The following KLHL1 variants were observed in gnomAD, a reference collection of about 807,000 sequenced individuals.
KLHL1 encodes the protein kelch-like protein 1.
A neutral mutation model predicts 77.7 loss-of-function variants in KLHL1; 47 were observed. The ratio of observed to expected loss-of-function variants is 0.60; its 90% CI spans 0.48 to 0.77. The LOEUF (loss-of-function observed/expected upper bound fraction) is 0.77. Ranked by LOEUF, KLHL1 falls within the 30% of genes least tolerant of loss-of-function variation. The probability of loss-of-function intolerance (pLI) is 0.00; values close to 1 mark genes in which losing one functional copy is unlikely to be tolerated. For synonymous variants in KLHL1, 360 were observed against 325.2 expected, an observed-to-expected ratio of 1.11 and a Z score of -1.15; for missense variants, 925 against 910.8, an observed-to-expected ratio of 1.02 and a Z score of -0.20.
At chr13:70,053,827 T>C (rs1368992414) in intron 1 of KLHL1, among the ~76,000 whole-genome samples, 1 of 152,126 alleles carries the variant, frequency 6.6e-6, no homozygotes, top group Non-Finnish European at 1.5e-5. Context: ...AAAGTCATAC[T>C]ATATTACAAT....
intron 1 of KLHL1, among the ~76,000 whole-genome samples, chr13:70,080,811 T>G (rs1887375248): frequency 6.6e-6 from 1 of 152,070 alleles, no homozygotes; most frequent in Non-Finnish European, 1.5e-5. Context: ...TTGGTCAGGC[T>G]GTTCATTTGA....
chr13:69,829,764 C>T lies in KLHL1; in HGVS notation c.1414+9212G>A, dbSNP rs924497982. Reference sequence around the variant, plus strand: ...AACATCAGATGTCTCAACAGAAACCCTACAAGCTAGAAACTATTGGGGTCT... The same window carrying T: ...AACATCAGATGTCTCAACAGAAACCTTACAAGCTAGAAACTATTGGGGTCT... On this transcript the variant is annotated intron_variant, in intron 6 of 10. Coordinates refer to ENST00000377844, the MANE Select transcript of KLHL1 (RefSeq NM_020866.3). Among the ~76,000 whole-genome samples, 12 of 150,140 alleles carry T rather than the reference C, an allele frequency of 8.0e-5. 1 individual carries two copies. The highest frequency in any genetic ancestry group is 1.3e-4 in the Non-Finnish European group (9 of 67,784).
At chr13:69,755,556 A>G (rs1042735552) in intron 7 of KLHL1, among the ~76,000 whole-genome samples, 2 of 152,166 alleles carry the variant, frequency 1.3e-5, no homozygotes, top group Admixed American at 6.6e-5. Flanking sequence ...TATTTGTTAT[A>G]TATTTCAAAT....
At chr13:70,012,427 T>A (rs1885557666) in intron 1 of KLHL1, among the ~76,000 whole-genome samples, 1 of 152,134 alleles carries the variant, frequency 6.6e-6, no homozygotes, top group African/African-American at 2.4e-5. Context: ...CAAATTTAAC[T>A]TATTTGTTCC....
chr13:69,915,403 G>C (rs545354987), intron 4 of KLHL1, among the ~76,000 whole-genome samples: 3 of 152,000 alleles, frequency 2.0e-5, no homozygotes, highest in Admixed American at 6.6e-5. Flanking sequence ...AGATATAGAC[G>C]AATGGAACAG....
At chr13:70,057,170 T>C (rs1267358535) in intron 1 of KLHL1, among the ~76,000 whole-genome samples, 1 of 152,034 alleles carries the variant, frequency 6.6e-6, no homozygotes, top group Admixed American at 6.6e-5. Context: ...TGCCAATAAC[T>C]TTGAAAACAT....
In KLHL1 at chr13:69,882,472, T is replaced by G. The variant is rs768125765; in HGVS notation, c.1038A>C (p.Arg346Ser). Residue 346 changes from arginine to serine, a missense_variant, in exon 5 of 11, where the codon AGA becomes AGC. By Grantham distance (110) the Arg-to-Ser change is moderately radical. Transcript: ENST00000377844. ...YTMENIMEVI[R>S]NQEFLLLPAE... ...CTGGAAGGAGTAAAAACTCTTGATT[T>G]CTGATAACTTCCATTATGTTTTCCT... 1 of 1,613,140 alleles carries G rather than the reference T, an allele frequency of 6.2e-7. No homozygotes were observed. Among genetic ancestry groups the G allele is most frequent in the East Asian group, 2.2e-5 (1 of 44,860 alleles).
At chr13:69,704,282 C>A (rs1875530824) in intron 10 of KLHL1, among the ~76,000 whole-genome samples, 1 of 151,574 alleles carries the variant, frequency 6.6e-6, no homozygotes, top group Non-Finnish European at 1.5e-5. Flanking sequence ...AATCCTTGAC[C>A]CTTCTTTTTA....
At chr13:70,054,437 CA>C (rs1221789022) in intron 1 of KLHL1, among the ~76,000 whole-genome samples, 2 of 151,920 alleles carry the variant, frequency 1.3e-5, no homozygotes, top group Non-Finnish European at 1.5e-5. Context: ...ATTTTTATTG[CA>C]TTATAGTAGC....
At chr13:69,955,637 T>C (rs912662384) in intron 3 of KLHL1, among the ~76,000 whole-genome samples, 1 of 151,112 alleles carries the variant, frequency 6.6e-6, no homozygotes, top group African/African-American at 2.4e-5. Context: ...GTAGAGACTA[T>C]GTAAGAGATA....
At chr13:70,086,801 T>C (rs1037737170) in intron 1 of KLHL1, among the ~76,000 whole-genome samples, 1 of 151,910 alleles carries the variant, frequency 6.6e-6, no homozygotes, top group Non-Finnish European at 1.5e-5. Context: ...TAGTTTGATA[T>C]CTTTCTTAGA....
At chr13:70,080,213 C>T (rs1026272979) in intron 1 of KLHL1, among the ~76,000 whole-genome samples, 3 of 152,026 alleles carry the variant, frequency 2.0e-5, no homozygotes, top group Non-Finnish European at 4.4e-5. Context: ...TCTGATTGGA[C>T]CAGGGAACGA....
intron 10 of KLHL1, among the ~76,000 whole-genome samples, chr13:69,704,734 A>G (rs1338106875): frequency 5.3e-5 from 8 of 151,700 alleles, no homozygotes. Context: ...GATTTATTTA[A>G]TATACATTTT....
At chr13:70,026,669 T>C (rs1026382705) in intron 1 of KLHL1, among the ~76,000 whole-genome samples, 2 of 150,934 alleles carry the variant, frequency 1.3e-5, no homozygotes, top group African/African-American at 2.4e-5. Context: ...TCAAAGGTGA[T>C]TGAGAAAGAG....
intron 1 of KLHL1, among the ~76,000 whole-genome samples, chr13:70,070,635 C>T (rs921733706): frequency 6.6e-6 from 1 of 151,958 alleles, no homozygotes; most frequent in Non-Finnish European, 1.5e-5. Context: ...AAAGAAAAAT[C>T]ATACAGATAA....
At chr13:70,066,522 A>G (rs1887010508) in intron 1 of KLHL1, among the ~76,000 whole-genome samples, 1 of 152,246 alleles carries the variant, frequency 6.6e-6, no homozygotes, top group African/African-American at 2.4e-5. Flanking sequence ...CTTCAGTGCT[A>G]CATTAAACAC....
chr13:70,040,703 AT>A (rs773761468), intron 1 of KLHL1, among the ~76,000 whole-genome samples: 13 of 151,908 alleles, frequency 8.6e-5, no homozygotes, highest in Admixed American at 3.3e-4. Context: ...TGGGGGGGTT[AT>A]TTTGTTTTAG....
intron 1 of KLHL1, among the ~76,000 whole-genome samples, chr13:70,063,537 C>T (rs1886940718): frequency 1.3e-5 from 2 of 152,016 alleles, no homozygotes; most frequent in African/African-American, 2.4e-5. Context: ...ATCTAACACA[C>T]ATGATGATAA....
At chr13:69,837,200 A>G (rs1017469633) in intron 6 of KLHL1, among the ~76,000 whole-genome samples, 2 of 151,796 alleles carry the variant, frequency 1.3e-5, no homozygotes, top group Non-Finnish European at 2.9e-5. Flanking sequence ...CTAATTTTTC[A>G]TCTAGGTGTA....
Sources: gnomAD v4.1 joint callset for allele counts (sites outside exome capture counted in the v4.1 genomes callset) on GRCh38, gnomAD v4.1.1 for gene constraint, MANE v1.5 for transcripts, NCBI Gene and HGNC (gene_info 2026-07-23, HGNC 2026-07-21) for gene names.